ANKRD17: variants seen among roughly 807,000 people sequenced by gnomAD.
ANKRD17 encodes ankyrin repeat domain 17.
A neutral mutation model predicts 229.7 loss-of-function variants in ANKRD17; 19 were observed. The ratio of observed to expected loss-of-function variants is 0.08; its 90% CI spans 0.06 to 0.12. ANKRD17 has a LOEUF of 0.12. Ranked by LOEUF, ANKRD17 falls within the 10% of genes least tolerant of loss-of-function variation. The probability of loss-of-function intolerance (pLI) is 1.00; values close to 1 mark genes in which losing one functional copy is unlikely to be tolerated. For missense variants in ANKRD17, 2,176 were observed against 3,176.8 expected (o/e 0.68, Z 7.57); for synonymous variants, 1,112 against 1,146.1 (o/e 0.97, Z 0.60).
Position 73,140,005 on chromosome 4 carries a change from T to G in ANKRD17, c.2611A>C (p.Lys871Gln), listed in dbSNP as rs1169000720. ...KKQKILEELQ[K>Q]VERELQLKTQ... ...TTCAGTTGTAACTCTCGTTCTACTT[T>G]CTGTAGTTCCTCCAAAATCTTTTGT... The change falls in exon 15 of 34, where the codon AAA becomes CAA. Residue 871 changes from lysine to glutamine, a missense_variant. Physicochemically the swap from Lys to Gln is moderately conservative, Grantham distance 53. Transcript: ENST00000358602. The G allele has an allele frequency of 1.9e-6, 3 of 1,614,118 alleles. No individual in the cohort carries two copies. Among genetic ancestry groups the G allele is most frequent in the Non-Finnish European group, 2.5e-6 (3 of 1,180,048 alleles).
At chr4:73,197,439 C>CT (rs1007542920) in intron 1 of ANKRD17, among the ~76,000 whole-genome samples, 1 of 152,146 alleles carries the variant, frequency 6.6e-6, no homozygotes, top group African/African-American at 2.4e-5. Context: ...AGTCAGAACT[C>CT]TGAGAGAAAG....
intron 1 of ANKRD17, among the ~76,000 whole-genome samples, chr4:73,246,258 G>A (rs915649953): frequency 2.6e-5 from 4 of 152,214 alleles, no homozygotes; most frequent in Admixed American, 6.5e-5. Context: ...TGACTGCTGT[G>A]TACTTCCTAT....
At chr4:73,175,829 A>G (rs1039359427) in intron 2 of ANKRD17, among the ~76,000 whole-genome samples, 4 of 152,108 alleles carry the variant, frequency 2.6e-5, no homozygotes, top group East Asian at 1.9e-4. Context: ...AGACTTAAAC[A>G]TAAGACCTCT....
chr4:73,134,200 G>T (rs1460119525), intron 16 of ANKRD17, among the ~76,000 whole-genome samples: 1 of 152,048 alleles, frequency 6.6e-6, no homozygotes, highest in Admixed American at 6.6e-5. Context: ...AAGAGTACAT[G>T]CCCTTAATGG....
At chr4:73,147,485 T>G (rs192974224) in intron 8 of ANKRD17, 53 bp from the exon 9 acceptor site, 4 of 1,320,760 alleles carry the variant, frequency 3.0e-6, no homozygotes, top group African/African-American at 3.0e-5. Context: ...ATTCCAGAGA[T>G]ATGAAAAACA....
At position 73,141,820 on chromosome 4, in the gene ANKRD17, T is replaced by C. The variant is rs543409776; in HGVS notation, c.2253A>G (p.Ala751=). The C allele has an allele frequency of 1.9e-6, 3 of 1,613,950 alleles. No individual in the cohort carries two copies. The highest frequency in any genetic ancestry group is 3.3e-5 in the Admixed American group (2 of 59,974). The part of the protein sequence containing the change: ...LNRAPRVPVQ[A]LPMVVPPQEP... ...CCTGAGGTGGAACAACCATGGGCAG[T>C]GCTTGAACTGGTACACGAGGAGCCT... Residue 751 remains alanine (A), a synonymous_variant, in exon 14 of 34, where the codon GCA becomes GCG. Coordinates refer to ENST00000358602, the MANE Select transcript of ANKRD17 (RefSeq NM_032217.5).
chr4:73,193,022 A>T (rs1737342548), intron 1 of ANKRD17, among the ~76,000 whole-genome samples: 3 of 152,270 alleles, frequency 2.0e-5, no homozygotes, highest in African/African-American at 7.2e-5. Context: ...AAAAATATAT[A>T]ATCTACAATT....
rs930148648 is a variant in ANKRD17, at chr4:73,073,498, C to A, written c.*2733G>T. 6.6e-6 allele frequency: 1 copy of A among 151,946 alleles called. No homozygotes were observed. The highest frequency in any genetic ancestry group is 2.4e-5 in the African/African-American group (1 of 41,390). 9.4% of individuals were successfully genotyped at this position (151,946 alleles called of 1,614,324 possible). On this transcript the variant is annotated 3_prime_UTR_variant, in exon 34 of 34. Coordinates refer to ENST00000358602, the MANE Select transcript of ANKRD17 (RefSeq NM_032217.5). ...AGTAATATAGGGTACAAAATTTTTA[C>A]AAAATGTGTATTTAGGTTATTTGAG...
chr4:73,192,317 A>G (rs967220222), intron 1 of ANKRD17, among the ~76,000 whole-genome samples: 1 of 152,074 alleles, frequency 6.6e-6, no homozygotes, highest in Non-Finnish European at 1.5e-5. Flanking sequence ...TGATCTTCAC[A>G]TTGTTAGGTG....
chr4:73,113,198 G>C (rs1725535503), intron 24 of ANKRD17: 1 of 1,287,912 alleles, frequency 7.8e-7, no homozygotes, highest in African/African-American at 1.5e-5. Context: ...AGAATTATAG[G>C]GGAAAATGTG....
At chr4:73,239,221 G>A (rs576708047) in intron 1 of ANKRD17, among the ~76,000 whole-genome samples, 2 of 152,218 alleles carry the variant, frequency 1.3e-5, no homozygotes, top group African/African-American at 4.8e-5. Context: ...AAAATCACTA[G>A]TTTTTAAAAT....
intron 1 of ANKRD17, among the ~76,000 whole-genome samples, chr4:73,227,343 G>A (rs1182689194): frequency 1.3e-5 from 2 of 151,914 alleles, no homozygotes; most frequent in Non-Finnish European, 1.5e-5. Context: ...TAGTAGAGAC[G>A]GGGTTTCATC....
At chr4:73,120,553 AAAG>A (rs1316572984) in intron 20 of ANKRD17, among the ~76,000 whole-genome samples, 26 of 150,058 alleles carry the variant, frequency 1.7e-4, no homozygotes, top group Admixed American at 2.7e-4. Flanking sequence ...AAAAAAAAAA[AAAG>A]AAAGAAAGAA....
chr4:73,155,807 T>C (rs1426789477), intron 4 of ANKRD17, 29 bp from the exon 5 acceptor site: 1 of 1,606,592 alleles, frequency 6.2e-7, no homozygotes, highest in Admixed American at 1.7e-5. Context: ...TTTAAAAAGA[T>C]ATTAGGAAAT....
At chr4:73,173,227 A>G (rs770531029) in intron 2 of ANKRD17, among the ~76,000 whole-genome samples, 2 of 152,206 alleles carry the variant, frequency 1.3e-5, no homozygotes, top group Non-Finnish European at 2.9e-5. Flanking sequence ...ATAATTATAA[A>G]GGGGTCAATT....
chr4:73,146,917 A>AT, intron 9 of ANKRD17, 44 bp from the exon 10 acceptor site: 1 of 1,480,686 alleles, frequency 6.8e-7, no homozygotes, highest in Non-Finnish European at 9.3e-7. Context: ...TAAAGGAGCC[A>AT]TAAGACATAT....
chr4:73,104,688 A>G (rs541334503), intron 24 of ANKRD17, among the ~76,000 whole-genome samples: 3 of 148,146 alleles, frequency 2.0e-5, no homozygotes, highest in African/African-American at 7.5e-5. Context: ...TGGGTTGTTC[A>G]TTTTGCTGGA....
intron 23 of ANKRD17, among the ~76,000 whole-genome samples, chr4:73,114,731 A>G (rs1038842554): frequency 6.6e-6 from 1 of 152,200 alleles, no homozygotes; most frequent in Non-Finnish European, 1.5e-5. Context: ...ATTGTCATGG[A>G]CAAGTCTAGA....
At chr4:73,200,387 A>C (rs980116882) in intron 1 of ANKRD17, among the ~76,000 whole-genome samples, 6 of 152,152 alleles carry the variant, frequency 3.9e-5, no homozygotes, top group African/African-American at 9.7e-5. Flanking sequence ...ATTTAAGCCC[A>C]AAAGTGTAAG....
Sources: allele counts gnomAD v4.1 joint callset (sites outside exome capture counted in the v4.1 genomes callset), GRCh38; gene constraint gnomAD v4.1.1; transcripts MANE v1.5; gene names NCBI Gene and HGNC (gene_info 2026-07-23, HGNC 2026-07-21).